Variants in NCEH1 observed in about 807,000 individuals in gnomAD.
NCEH1 encodes neutral cholesterol ester hydrolase 1.
NCEH1 carries 9 observed loss-of-function variants against 25.4 expected under a neutral mutation model. The observed-to-expected ratio is 0.35, with a 90% confidence interval of 0.21 to 0.62. The LOEUF is 0.62. NCEH1 is among the 20% of genes least tolerant of loss of function. The pLI is 0.72. For missense variants in NCEH1, 412 were observed against 501.1 expected (o/e 0.82, Z 1.70); for synonymous variants, 200 against 199.8 (o/e 1.00, Z -0.01).
chr3:172,682,409 C>T (rs934561927), intron 1 of NCEH1, among the ~76,000 whole-genome samples: 3 of 152,186 alleles, frequency 2.0e-5, no homozygotes, highest in Non-Finnish European at 2.9e-5. Context: ...AATACTCTTT[C>T]CCTGTTACGT....
intron 1 of NCEH1, among the ~76,000 whole-genome samples, chr3:172,706,272 A>T (rs912788415): frequency 3.3e-5 from 5 of 152,172 alleles, no homozygotes; most frequent in Non-Finnish European, 4.4e-5. Flanking sequence ...CCCAGAAGAA[A>T]AAAATCATGT....
rs56201640 is a variant in NCEH1 at position 172,675,302 on chromosome 3, CAAATAAATAAAT to C, written c.139-27200_139-27189del. Among the ~76,000 whole-genome samples the C allele has an allele frequency of 3.9e-4, 56 of 142,482 alleles. No homozygotes were observed. In the South Asian group the frequency reaches 4.2e-3, roughly 11 times the overall value. 93.5% of individuals were successfully genotyped at this position (142,482 alleles called of 152,430 possible). A position where few individuals can be genotyped will look rare whatever the true frequency, so the allele number is the denominator to read the frequency against. On this transcript the variant is annotated intron_variant, in intron 1 of 4. Coordinates refer to ENST00000475381, the MANE Select transcript of NCEH1 (RefSeq NM_020792.6). ...TGGGTGACAGAGCAAGATCCTGTCT[CAAATAAATAAAT>C]AAATAAATAAATAAATAAATAAATA...
chr3:172,694,404 G>C (rs945037206), intron 1 of NCEH1, among the ~76,000 whole-genome samples: 2 of 152,054 alleles, frequency 1.3e-5, no homozygotes, highest in Non-Finnish European at 2.9e-5. Context: ...CTGTGTGTGT[G>C]TGTGTGTGTG....
At chr3:172,692,944 G>T (rs1474411098) in intron 1 of NCEH1, among the ~76,000 whole-genome samples, 1 of 152,090 alleles carries the variant, frequency 6.6e-6, no homozygotes, top group African/African-American at 2.4e-5. Flanking sequence ...TCACTTCCTG[G>T]AATGTTCTTC....
At chr3:172,675,479 C>G (rs1403879775) in intron 1 of NCEH1, among the ~76,000 whole-genome samples, 1 of 149,852 alleles carries the variant, frequency 6.7e-6, no homozygotes, top group East Asian at 1.9e-4. Context: ...AAATACTTGT[C>G]ATAAAAGGAA....
chr3:172,692,858 T>C (rs1233023930), intron 1 of NCEH1, among the ~76,000 whole-genome samples: 6 of 152,226 alleles, frequency 3.9e-5, no homozygotes, highest in Admixed American at 3.9e-4. Context: ...TCCTTCAAAC[T>C]TTGATACTTT....
intron 1 of NCEH1, among the ~76,000 whole-genome samples, chr3:172,675,345 T>A (rs1179412593): frequency 7.5e-6 from 1 of 132,750 alleles, no homozygotes; most frequent in African/African-American, 3.4e-5. Context: ...AAATAAATGA[T>A]TTTGTGAGTT....
chr3:172,654,524 TC>T (rs1489033197), intron 1 of NCEH1, among the ~76,000 whole-genome samples: 1 of 152,206 alleles, frequency 6.6e-6, no homozygotes, highest in African/African-American at 2.4e-5. Context: ...TGTTATTAGT[TC>T]CACATGGATT....
chr3:172,686,237 T>A (rs1044472588), intron 1 of NCEH1, among the ~76,000 whole-genome samples: 9 of 152,346 alleles, frequency 5.9e-5, no homozygotes, highest in Middle Eastern at 3.4e-3. Flanking sequence ...GAGTAACCAA[T>A]GTCCTGCTCT....
At chr3:172,671,809 G>T (rs1018244285) in intron 1 of NCEH1, among the ~76,000 whole-genome samples, 1 of 152,136 alleles carries the variant, frequency 6.6e-6, no homozygotes, top group African/African-American at 2.4e-5. Context: ...ATGACATTTT[G>T]CTCAAGAACA....
At chr3:172,646,031 A>G (rs995390192) in intron 2 of NCEH1, among the ~76,000 whole-genome samples, 1 of 152,186 alleles carries the variant, frequency 6.6e-6, no homozygotes, top group Non-Finnish European at 1.5e-5. Flanking sequence ...AAAAAATCAC[A>G]GCAAATAAGC....
At chr3:172,648,495 T>C (rs1182078027) in intron 1 of NCEH1, among the ~76,000 whole-genome samples, 1 of 152,050 alleles carries the variant, frequency 6.6e-6, no homozygotes, top group Non-Finnish European at 1.5e-5. Context: ...AGTAAAGAAA[T>C]AATACTTTAT....
In NCEH1 at chr3:172,633,887, G is replaced by C; in HGVS notation, c.815C>G (p.Thr272Ser). Reference protein sequence around the residue: ...FVQAMIVNNHTSLDVEEAAAV... With the variant: ...FVQAMIVNNHSSLDVEEAAAV... ...AGCAGCCTCTTCCACATCAAGTGAA[G>C]TGTGATTGTTAACGATCATTGCCTG... Residue 272 changes from threonine to serine, a missense_variant, in exon 5 of 5, where the codon ACT (threonine) becomes AGT (serine). Physicochemically the swap from Thr to Ser is moderately conservative, Grantham distance 58. Coordinates refer to ENST00000475381, the MANE Select transcript of NCEH1 (RefSeq NM_020792.6). 2 of 1,614,250 alleles carry C rather than the reference G, an allele frequency of 1.2e-6. No individual in the cohort carries two copies. The highest frequency in any genetic ancestry group is 8.5e-7 in the Non-Finnish European group (1 of 1,180,038).
At chr3:172,709,152 C>G (rs1050520089) in intron 1 of NCEH1, among the ~76,000 whole-genome samples, 1 of 152,214 alleles carries the variant, frequency 6.6e-6, no homozygotes, top group South Asian at 2.1e-4. Flanking sequence ...CAGCCTTGTC[C>G]TTAATGGGCT....
chr3:172,689,240 A>T (rs1576771422), intron 1 of NCEH1, among the ~76,000 whole-genome samples: 1 of 143,770 alleles, frequency 7.0e-6, no homozygotes, highest in African/African-American at 2.6e-5. Context: ...TCATGAAATG[A>T]CTTGGAGTAA....
At chr3:172,656,454 G>A (rs1717699612) in intron 1 of NCEH1, among the ~76,000 whole-genome samples, 1 of 152,178 alleles carries the variant, frequency 6.6e-6, no homozygotes, top group African/African-American at 2.4e-5. Flanking sequence ...TGTCAGTTCT[G>A]TCTTTGTCCT....
chr3:172,657,869 T>C (rs1342469293), intron 1 of NCEH1, among the ~76,000 whole-genome samples: 4 of 152,228 alleles, frequency 2.6e-5, no homozygotes, highest in Non-Finnish European at 5.9e-5. Flanking sequence ...TTCACTGGTA[T>C]GCTGAAACCA....
At chr3:172,696,084 G>C (rs543876088) in intron 1 of NCEH1, among the ~76,000 whole-genome samples, 1 of 152,292 alleles carries the variant, frequency 6.6e-6, no homozygotes, top group Non-Finnish European at 1.5e-5. Context: ...AAGAGGTTTT[G>C]AGTTCTTGTT....
Position 172,633,574 on chromosome 3 carries a change from G to A in NCEH1, c.1128C>T (p.Gly376=), listed in dbSNP as rs192832385. 5.0e-6 allele frequency: 8 copies of A among 1,614,070 alleles called. No individual in the cohort carries two copies. The African/African-American group carries it at 9.3e-5, about 19-fold the overall frequency. ...VEVTLDHFED[G]FHGCMIFTSW... ...TAGTGAAAATCATACATCCGTGAAA[G>A]CCATCCTCAAAGTGATCCAGGGTCA... is the stretch of plus-strand genomic sequence containing the variant. Residue 376 remains glycine (G), a synonymous_variant, in exon 5 of 5, where the codon GGC becomes GGT. Transcript: ENST00000475381.
Sources: gnomAD v4.1 joint callset for allele counts (sites outside exome capture counted in the v4.1 genomes callset) on GRCh38, gnomAD v4.1.1 for gene constraint, MANE v1.5 for transcripts, NCBI Gene and HGNC (gene_info 2026-07-23, HGNC 2026-07-21) for gene names.